The following CSMD1 variants were observed in gnomAD, a reference collection of about 807,000 sequenced individuals.
CSMD1 encodes the protein CUB and Sushi multiple domains 1, also known as CUB and sushi domain-containing protein 1.
CSMD1 carries 213 observed loss-of-function variants against 417.5 expected under a neutral mutation model. That is an observed-to-expected ratio of 0.51 (90% CI 0.46 to 0.57). The LOEUF (loss-of-function observed/expected upper bound fraction) is 0.57. CSMD1 is among the 20% of genes least tolerant of loss of function. The pLI, the probability that CSMD1 is intolerant of heterozygous loss-of-function variation, is 0.00. For missense variants in CSMD1, 6,923 were observed against 4,529.7 expected (o/e 1.53, Z -15.17); for synonymous variants, 2,862 against 1,736.8 (o/e 1.65, Z -16.11).
intron 3 of CSMD1, among the ~76,000 whole-genome samples, chr8:4,108,270 C>A (rs192270895): frequency 6.6e-6 from 1 of 152,124 alleles, no homozygotes; most frequent in South Asian, 2.1e-4. Flanking sequence ...GTTTCAAATG[C>A]TGTTGAATGA....
Position 3,997,885 on chromosome 8 carries a change from T to A in CSMD1, c.818+18A>T. 1 of 1,604,078 alleles carries A rather than the reference T, an allele frequency of 6.2e-7. No individual in the cohort carries two copies. Among genetic ancestry groups the A allele is most frequent in the Non-Finnish European group, 8.5e-7 (1 of 1,173,882 alleles). ...AAACACACCTGTATCCTTTGTGGCA[T>A]CTCTTCCCGGGACTTACCATATGGA... is the stretch of plus-strand genomic sequence containing the variant. On this transcript the variant is annotated intron_variant, in intron 5 of 69. Coordinates refer to ENST00000635120, the MANE Select transcript of CSMD1 (RefSeq NM_033225.6).
chr8:4,132,051 G>A (rs943586611), intron 3 of CSMD1, among the ~76,000 whole-genome samples: 1 of 151,954 alleles, frequency 6.6e-6, no homozygotes, highest in East Asian at 1.9e-4. Flanking sequence ...GCATAACAAA[G>A]GTAAAAGCAA....
intron 3 of CSMD1, among the ~76,000 whole-genome samples, chr8:4,086,912 T>A (rs149940837): frequency 1.3e-5 from 2 of 152,146 alleles, no homozygotes; most frequent in African/African-American, 4.8e-5. Context: ...CAGGCAAGGG[T>A]TGAAGCTTGT....
At chr8:3,439,340 G>C (rs1352093548) in intron 12 of CSMD1, among the ~76,000 whole-genome samples, 1 of 96,470 alleles carries the variant, frequency 1.0e-5, no homozygotes, top group Non-Finnish European at 2.1e-5. Flanking sequence ...TTTTAATTTT[G>C]GACATTTTGA....
intron 10 of CSMD1, among the ~76,000 whole-genome samples, chr8:3,507,626 G>A (rs928675898): frequency 2.0e-5 from 3 of 152,300 alleles, no homozygotes; most frequent in Non-Finnish European, 2.9e-5. Flanking sequence ...CACCAACAGT[G>A]TAAAAGTGTT....
At chr8:4,909,805 A>T (rs1055558787) in intron 1 of CSMD1, among the ~76,000 whole-genome samples, 1 of 152,168 alleles carries the variant, frequency 6.6e-6, no homozygotes, top group Admixed American at 6.5e-5. Flanking sequence ...CTGTGGACCC[A>T]CCTGTCCTTC....
At chr8:3,786,960 C>T (rs1221682680) in intron 5 of CSMD1, among the ~76,000 whole-genome samples, 3 of 152,106 alleles carry the variant, frequency 2.0e-5, no homozygotes, top group African/African-American at 7.2e-5. Context: ...CACCGGCATT[C>T]AATCCTCATC....
In CSMD1 at chr8:3,368,292, C is replaced by T. The variant is rs143354883; in HGVS notation, c.2899+962G>A. Among the ~76,000 whole-genome samples, 196 of 152,202 alleles carry T rather than the reference C, an allele frequency of 1.3e-3. No individual in the cohort carries two copies. In the Middle Eastern group the frequency reaches 0.034, roughly 26 times the overall value. On this transcript the variant is annotated intron_variant, in intron 19 of 69. Transcript: ENST00000635120. ...TCGGGTTCAAATCTATGTGAAAAGA[C>T]GAAGTCTACATAATACTTATGTGAT...
chr8:3,955,503 G>C (rs998631173), intron 5 of CSMD1, among the ~76,000 whole-genome samples: 1 of 152,160 alleles, frequency 6.6e-6, no homozygotes, highest in African/African-American at 2.4e-5. Context: ...ACTCATGTTT[G>C]AAGCTGTCAG....
chr8:3,156,843 G>A (rs935237522), intron 39 of CSMD1, among the ~76,000 whole-genome samples: 2 of 152,002 alleles, frequency 1.3e-5, no homozygotes, highest in Non-Finnish European at 2.9e-5. Flanking sequence ...GGAGGGGACT[G>A]TGCCATCTTA....
rs748322392 is a variant in CSMD1 at position 3,387,501 on chromosome 8, G to C, written c.2775C>G (p.Ser925Arg). 4.4e-6 allele frequency: 7 copies of C among 1,598,958 alleles called. No homozygotes were observed. In the South Asian group the frequency reaches 6.8e-5, roughly 16 times the overall value. ...TCACTGAGCTGTACCTACCGTCGCA[G>C]CTGGGCAAGGCGTGGTTCCACTGGT... ...RNHQWNHALP[S>R]CDALCGGYIQ... Residue 925 changes from serine to arginine, a missense_variant, in exon 18 of 70, where the codon AGC (serine) becomes AGG (arginine). Transcript: ENST00000635120.
chr8:4,119,984 T>G (rs577737626), intron 3 of CSMD1, among the ~76,000 whole-genome samples: 1 of 152,206 alleles, frequency 6.6e-6, no homozygotes, highest in African/African-American at 2.4e-5. Context: ...GAATAAGACC[T>G]AGTATTTGAT....
intron 7 of CSMD1, among the ~76,000 whole-genome samples, chr8:3,679,158 T>A (rs537666458): frequency 2.0e-5 from 3 of 152,184 alleles, no homozygotes; most frequent in Non-Finnish European, 4.4e-5. Flanking sequence ...AACATCATAA[T>A]GACAGGATCA....
In CSMD1 at chr8:4,751,393, G is replaced by A. The variant is rs564241600; in HGVS notation, c.86-113835C>T. ...ACGACAGAGCAAGACTCTGTCTCAG[G>A]GGGGGTGGCGGGGCAGGAAAAGAGA... On this transcript the variant is annotated intron_variant, in intron 1 of 69. Coordinates refer to ENST00000635120, the MANE Select transcript of CSMD1 (RefSeq NM_033225.6). 3.2e-3 allele frequency among the ~76,000 whole-genome samples: 480 copies of A among 151,910 alleles called. 1 individual carries two copies. Among genetic ancestry groups the A allele is most frequent in the Non-Finnish European group, 5.1e-3 (349 of 67,934 alleles).
chr8:4,785,757 T>C (rs1048065457), intron 1 of CSMD1, among the ~76,000 whole-genome samples: 2 of 152,156 alleles, frequency 1.3e-5, no homozygotes, highest in African/African-American at 4.8e-5. Context: ...ATACAAATAA[T>C]AGTACTTTTA....
chr8:4,167,240 T>C (rs1456263628), intron 3 of CSMD1, among the ~76,000 whole-genome samples: 1 of 152,172 alleles, frequency 6.6e-6, no homozygotes, highest in African/African-American at 2.4e-5. Flanking sequence ...GGAAGGAGTG[T>C]CTTCGAAGGT....
chr8:3,974,273 T>C (rs1412822580), intron 5 of CSMD1, among the ~76,000 whole-genome samples: 1 of 151,894 alleles, frequency 6.6e-6, no homozygotes, highest in African/African-American at 2.4e-5. Context: ...TTCTTTGATT[T>C]TTAAATTATA....
intron 15 of CSMD1, among the ~76,000 whole-genome samples, chr8:3,401,313 C>T (rs1429559657): frequency 6.6e-6 from 1 of 152,100 alleles, no homozygotes; most frequent in South Asian, 2.1e-4. Flanking sequence ...GTTTCCTTTA[C>T]TTTAGTAATT....
intron 23 of CSMD1, among the ~76,000 whole-genome samples, chr8:3,338,824 T>A (rs1563287426): frequency 6.6e-6 from 1 of 151,686 alleles, no homozygotes; most frequent in African/African-American, 2.4e-5. Context: ...TTTTTTTTTT[T>A]TAAATTTTTA....
Sources: gnomAD v4.1 joint callset for allele counts (sites outside exome capture counted in the v4.1 genomes callset) on GRCh38, gnomAD v4.1.1 for gene constraint, MANE v1.5 for transcripts, NCBI Gene and HGNC (gene_info 2026-07-23, HGNC 2026-07-21) for gene names.